Variants in PDXDC1 observed in about 807,000 individuals in gnomAD.
The protein encoded by PDXDC1 is pyridoxal-dependent decarboxylase domain-containing protein 1.
PDXDC1 carries 42 observed loss-of-function variants against 100.1 expected under a neutral mutation model. The ratio of observed to expected loss-of-function variants is 0.42; its 90% CI spans 0.33 to 0.54. The LOEUF is 0.54. PDXDC1 is among the 20% of genes least tolerant of loss of function. PDXDC1 has a pLI of 0.10. For synonymous variants in PDXDC1, 260 were observed against 371.7 expected, an observed-to-expected ratio of 0.70 and a Z score of 3.46; for missense variants, 636 against 979.2, an observed-to-expected ratio of 0.65 and a Z score of 4.68.
At chr16:14,988,118 C>T in intron 1 of PDXDC1, 1 of 1,245,230 alleles carries the variant, frequency 8.0e-7, no homozygotes, top group Non-Finnish European at 1.2e-6. Flanking sequence ...GGTGTATCCA[C>T]ACTCGCTTCT....
chr16:15,023,006 T>G (rs2042323195), intron 13 of PDXDC1, among the ~76,000 whole-genome samples: 1 of 152,308 alleles, frequency 6.6e-6, no homozygotes, highest in African/African-American at 2.4e-5. Context: ...TTTCATGTAC[T>G]TCATTTATTG....
intron 16 of PDXDC1, among the ~76,000 whole-genome samples, chr16:15,102,099 G>A (rs2046573244): frequency 6.6e-6 from 1 of 152,102 alleles, no homozygotes. Flanking sequence ...ACCTGCCTCG[G>A]CCTCTCAAAG....
chr16:15,008,495 A>G (rs1416432252), intron 6 of PDXDC1, among the ~76,000 whole-genome samples: 1 of 152,276 alleles, frequency 6.6e-6, no homozygotes, highest in Non-Finnish European at 1.5e-5. Context: ...GTGTTTGTCA[A>G]AGTGTTTCTG....
intron 16 of PDXDC1, chr16:15,047,599 A>G (rs773682286): frequency 2.3e-5 from 31 of 1,349,684 alleles, no homozygotes; most frequent in Middle Eastern, 1.8e-4. Context: ...ATGCGAGTGC[A>G]GTGCGCAGGC....
chr16:15,123,209 C>T (rs1286089973), intron 16 of PDXDC1, among the ~76,000 whole-genome samples: 20 of 151,420 alleles, frequency 1.3e-4, no homozygotes, highest in African/African-American at 4.9e-4. Flanking sequence ...AAGTAGCGCC[C>T]GCATCATCCC....
rs911932645 is a variant in PDXDC1 at position 15,130,746 on chromosome 16, A to C, written c.1400-8133A>C. The C allele has an allele frequency of 9.4e-6, 13 of 1,384,692 alleles. No homozygotes were observed. The African/African-American group carries it at 1.4e-4, about 15-fold the overall frequency. The allele number at this position is 1,384,692 out of a possible 1,614,324, so 85.8% of individuals were successfully genotyped here. ...CTCATTGGGCCGGGGCTCCGAGTGCAGGTAGACTGCCAGGTAGGGCTCGGG... is the reference window on the plus strand; with the variant it reads ...CTCATTGGGCCGGGGCTCCGAGTGCCGGTAGACTGCCAGGTAGGGCTCGGG... On this transcript the variant is annotated intron_variant, in intron 16 of 16. Transcript: ENST00000535621.
At chr16:15,024,464 T>C (rs1358649580) in intron 13 of PDXDC1, among the ~76,000 whole-genome samples, 1 of 149,620 alleles carries the variant, frequency 6.7e-6, no homozygotes, top group East Asian at 2.0e-4. Context: ...TGGAGTGCAG[T>C]GGTGCGATCT....
chr16:15,023,701 C>T (rs966875653), intron 13 of PDXDC1, among the ~76,000 whole-genome samples: 2 of 152,282 alleles, frequency 1.3e-5, no homozygotes, highest in African/African-American at 2.4e-5. Flanking sequence ...GGTGTGGCTA[C>T]TCTGCCTTCT....
At chr16:15,093,043 G>T (rs1204404979) in intron 16 of PDXDC1, among the ~76,000 whole-genome samples, 1 of 151,686 alleles carries the variant, frequency 6.6e-6, no homozygotes, top group Non-Finnish European at 1.5e-5. Flanking sequence ...TTGCTCTGCT[G>T]CCCAGGCTGG....
At chr16:15,100,721 G>A (rs1443089269) in intron 16 of PDXDC1, among the ~76,000 whole-genome samples, 2 of 152,218 alleles carry the variant, frequency 1.3e-5, no homozygotes, top group East Asian at 3.8e-4. Context: ...GCACACACCT[G>A]TGGTCCCAGC....
At chr16:15,022,225 TC>T (rs1221328038) in intron 12 of PDXDC1, among the ~76,000 whole-genome samples, 14 of 152,266 alleles carry the variant, frequency 9.2e-5, no homozygotes, top group Non-Finnish European at 1.9e-4. Context: ...CATACTATCC[TC>T]CCCATTTTAT....
At chr16:14,975,709 A>C in intron 1 of PDXDC1, 1 of 979,104 alleles carries the variant, frequency 1.0e-6, no homozygotes, top group Non-Finnish European at 1.2e-6. Context: ...CTGAGTGGGA[A>C]TCACCTGGGG....
At chr16:15,008,029 A>AT (rs2040933087) in intron 6 of PDXDC1, among the ~76,000 whole-genome samples, 1 of 152,294 alleles carries the variant, frequency 6.6e-6, no homozygotes, top group East Asian at 1.9e-4. Context: ...TTGGTGGCTT[A>AT]TAGGGTAGGG....
Position 15,036,224 on chromosome 16 carries a change from A to G in PDXDC1, c.2316A>G (p.Pro772=), listed in dbSNP as rs1321814185. 4.3e-6 allele frequency: 7 copies of G among 1,614,002 alleles called. No homozygotes were observed. The Admixed American group carries it at 1.0e-4, about 23-fold the overall frequency. Residue 772 remains proline (P), a synonymous_variant, in exon 23 of 23, where the codon CCA becomes CCG. Coordinates refer to ENST00000396410, the MANE Select transcript of PDXDC1 (RefSeq NM_015027.4). ...DQTEAFQKGV[P]HPEDDHSQVE... Reference sequence around the variant, plus strand: ...CCGAGGCCTTCCAGAAAGGGGTCCCACACCCAGAAGATGACCACTCACAGG... The same window carrying G: ...CCGAGGCCTTCCAGAAAGGGGTCCCGCACCCAGAAGATGACCACTCACAGG...
At chr16:15,086,611 T>C (rs965191303) in intron 16 of PDXDC1, among the ~76,000 whole-genome samples, 5 of 152,244 alleles carry the variant, frequency 3.3e-5, no homozygotes, top group African/African-American at 1.2e-4. Context: ...CAGAAAAAGA[T>C]GTCACAATAA....
downstream of PDXDC1, chr16:15,038,733 C>G: frequency 9.7e-7 from 1 of 1,029,374 alleles, no homozygotes; most frequent in South Asian, 1.3e-5. Context: ...ATGTCACCCA[C>G]TTTTCAAACC....
At chr16:14,978,983 A>G (rs1967334182) in intron 1 of PDXDC1, among the ~76,000 whole-genome samples, 2 of 152,286 alleles carry the variant, frequency 1.3e-5, no homozygotes, top group Non-Finnish European at 2.9e-5. Flanking sequence ...ACCCAGTTGT[A>G]ACAATAAGAA....
the PDXDC1 span, among the ~76,000 whole-genome samples, chr16:15,150,354 T>TAAAC: frequency 7.0e-6 from 1 of 143,466 alleles, no homozygotes; most frequent in African/African-American, 2.6e-5. Flanking sequence ...TAACAATAAA[T>TAAAC]AAATAAATAA....
chr16:15,079,208 C>G (rs1175832980), intron 16 of PDXDC1, among the ~76,000 whole-genome samples: 1 of 152,178 alleles, frequency 6.6e-6, no homozygotes, highest in African/African-American at 2.4e-5. Context: ...TCTGCCTCCC[C>G]TCCTCCAAAC....
Sources: gnomAD v4.1 joint callset for allele counts (sites outside exome capture counted in the v4.1 genomes callset) on GRCh38, gnomAD v4.1.1 for gene constraint, MANE v1.5 for transcripts, NCBI Gene and HGNC (gene_info 2026-07-23, HGNC 2026-07-21) for gene names.